Variants in RET observed in about 807,000 individuals in gnomAD.
RET encodes proto-oncogene tyrosine-protein kinase receptor Ret.
A neutral mutation model predicts 118.3 loss-of-function variants in RET; 19 were observed. That is an observed-to-expected ratio of 0.16 (90% CI 0.11 to 0.24). RET has a LOEUF of 0.24. Ranked by LOEUF, RET falls within the 10% of genes least tolerant of loss-of-function variation. The pLI is 1.00. For missense variants in RET, 1,219 were observed against 1,502.1 expected (o/e 0.81, Z 3.12); for synonymous variants, 597 against 644.1 (o/e 0.93, Z 1.11).
Position 43,077,233 on chromosome 10 carries a change from A to G in RET, c.-26A>G, listed in dbSNP as rs1245966499. 4 of 1,490,964 alleles carry G rather than the reference A, an allele frequency of 2.7e-6. No individual in the cohort carries two copies. The highest frequency in any genetic ancestry group is 1.3e-5 in the South Asian group (1 of 79,910). 92.4% of individuals were successfully genotyped at this position (1,490,964 alleles called of 1,614,324 possible). A position where few individuals can be genotyped will look rare whatever the true frequency, so the allele number is the denominator to read the frequency against. On this transcript the variant is annotated 5_prime_UTR_variant, in exon 1 of 20. Coordinates refer to ENST00000355710, the MANE Select transcript of RET (RefSeq NM_020975.6). ...CGCCGGCCCTAGCCGCAGTCCCTCC[A>G]GCCGTGGCCCCAGCGCGCACGGGCG... is the stretch of plus-strand genomic sequence containing the variant.
At chr10:43,087,001 A>G (rs751193778) in intron 1 of RET, among the ~76,000 whole-genome samples, 2 of 152,218 alleles carry the variant, frequency 1.3e-5, no homozygotes, top group Non-Finnish European at 2.9e-5. Context: ...AGAAGGCTGC[A>G]TGGCTTTTAG....
intron 17 of RET, 132 bp downstream of exon 17, chr10:43,123,940 G>A (rs879882656): frequency 3.3e-5 from 45 of 1,367,134 alleles, no homozygotes; most frequent in Non-Finnish European, 4.4e-5. Context: ...CAGGGCAGAG[G>A]TTAGAGAGCC....
chr10:43,123,916 G>T, intron 17 of RET, 108 bp downstream of exon 17: 2 of 1,552,670 alleles, frequency 1.3e-6, no homozygotes, highest in South Asian at 2.3e-5. Context: ...GAGAAGTGGG[G>T]GGTGGGGAGT....
intron 15 of RET, among the ~76,000 whole-genome samples, chr10:43,121,225 T>C (rs1234625405): frequency 6.6e-6 from 1 of 152,238 alleles, no homozygotes; most frequent in African/African-American, 2.4e-5. Context: ...CACACACTGC[T>C]GCCAAGACAG....
chr10:43,127,775 CA>C (rs1564502429), intron 19 of RET, among the ~76,000 whole-genome samples: 1 of 152,124 alleles, frequency 6.6e-6, no homozygotes, highest in East Asian at 1.9e-4. Flanking sequence ...GTTTCCGCTG[CA>C]GTAAGCCATT....
chr10:43,086,864 C>A (rs139268038), intron 1 of RET, among the ~76,000 whole-genome samples: 3 of 152,170 alleles, frequency 2.0e-5, no homozygotes, highest in Non-Finnish European at 4.4e-5. Context: ...GGGCCTGGGC[C>A]CCTCAGAGCA....
rs2132684957 is a variant in RET, at chr10:43,102,636, G to A, written c.625+7G>A. On this transcript the variant is annotated splice_region_variant and intron_variant, in intron 3 of 19. Transcript: ENST00000355710. ...GCCTACAGGCTCCTGGAGGGTGAGT[G>A]CCGACCTTGTGGGGCCGCCCCACAG... is the stretch of plus-strand genomic sequence containing the variant. 6.2e-7 allele frequency: 1 copy of A among 1,613,916 alleles called. No individual in the cohort carries two copies. Among genetic ancestry groups the A allele is most frequent in the Non-Finnish European group, 8.5e-7 (1 of 1,180,044 alleles).
chr10:43,100,433 C>G, intron 1 of RET, 26 bp from the exon 2 acceptor site: 1 of 1,612,786 alleles, frequency 6.2e-7, no homozygotes, highest in South Asian at 1.1e-5. Context: ...CTCACCATCC[C>G]TCACTCACTT....
chr10:43,117,386 G>A (rs190926723), intron 12 of RET, among the ~76,000 whole-genome samples: 198 of 152,332 alleles, frequency 1.3e-3, no homozygotes, highest in African/African-American at 4.4e-3. Context: ...GTAAAACCCC[G>A]GACTCTCCAG....
intron 1 of RET, 30 bp from the exon 2 acceptor site, chr10:43,100,429 A>G (rs868061687): frequency 6.8e-6 from 11 of 1,608,466 alleles, no homozygotes; most frequent in Middle Eastern, 3.3e-4. Context: ...TATTCTCACC[A>G]TCCCTCACTC....
intron 1 of RET, among the ~76,000 whole-genome samples, chr10:43,085,469 A>AC (rs1837269516): frequency 6.6e-6 from 1 of 151,288 alleles, no homozygotes; most frequent in Non-Finnish European, 1.5e-5. Flanking sequence ...CATGTCCCTC[A>AC]CCCCCCAGGG....
rs932776021 is a variant in RET, at chr10:43,114,291, G to C, written c.1880-189G>C. 2.0e-5 allele frequency among the ~76,000 whole-genome samples: 3 copies of C among 152,174 alleles called. No individual in the cohort carries two copies. Among genetic ancestry groups the C allele is most frequent in the African/African-American group, 7.2e-5 (3 of 41,446 alleles). The stretch of plus-strand genomic sequence containing the variant: ...TCTGTAAGAGGGCAATAGTGGTCTA[G>C]GAGGGGGCAGTAAATGGCAGTACCC... On this transcript the variant is annotated intron_variant, in intron 10 of 19. Transcript: ENST00000355710. This position sits in a 1 kb window ranked among gnomAD's most constrained non-coding sequence, Gnocchi z 4.6.
intron 15 of RET, among the ~76,000 whole-genome samples, chr10:43,121,456 T>C (rs955303096): frequency 1.3e-5 from 2 of 152,094 alleles, no homozygotes; most frequent in African/African-American, 4.8e-5. Context: ...TCAGAGATGC[T>C]AAAAGCACCC....
At chr10:43,104,884 C>T (rs1180757498) in intron 3 of RET, 68 bp from the exon 4 acceptor site, 9 of 1,532,502 alleles carry the variant, frequency 5.9e-6, no homozygotes, top group South Asian at 4.8e-5. Flanking sequence ...GAGCCCCCTT[C>T]CCGAGGAAAG....
chr10:43,101,041 G>A (rs1237263273), intron 2 of RET, among the ~76,000 whole-genome samples: 2 of 152,220 alleles, frequency 1.3e-5, no homozygotes, highest in East Asian at 3.9e-4. Context: ...AGTAAGTGGG[G>A]CTGGAAAAAT....
At chr10:43,092,677 A>C (rs1274010601) in intron 1 of RET, among the ~76,000 whole-genome samples, 1 of 152,180 alleles carries the variant, frequency 6.6e-6, no homozygotes, top group Non-Finnish European at 1.5e-5. Context: ...GTCCTACCCG[A>C]GTGAGTCTGG....
In RET at chr10:43,123,701, C is replaced by T. The variant is rs755606269; in HGVS notation, c.2832C>T (p.Ile944=). ...VWSFGVLLWE[I]VTLGGNPYPG... is the part of the protein sequence containing the mutation. Reference sequence around the variant, plus strand: ...CTTTTGGTGTCCTGCTGTGGGAGATCGTGACCCTAGGGGGAAACCCCTATC... The same window carrying T: ...CTTTTGGTGTCCTGCTGTGGGAGATTGTGACCCTAGGGGGAAACCCCTATC... Residue 944 remains isoleucine (I), a synonymous_variant, in exon 17 of 20, where the codon ATC becomes ATT. Transcript: ENST00000355710. 3.7e-6 allele frequency: 6 copies of T among 1,614,154 alleles called. No homozygotes were observed. Among genetic ancestry groups the T allele is most frequent in the Non-Finnish European group, 5.1e-6 (6 of 1,180,036 alleles).
At chr10:43,082,569 C>T (rs1298533357) in intron 1 of RET, among the ~76,000 whole-genome samples, 2 of 151,836 alleles carry the variant, frequency 1.3e-5, no homozygotes, top group African/African-American at 4.8e-5. Flanking sequence ...CTCCCAGATT[C>T]GGGTGCTGCA....
In RET at chr10:43,129,786, G is replaced by A. The variant is rs1004092534; in HGVS notation, c.*1517G>A. The stretch of plus-strand genomic sequence containing the variant: ...TGTAATAGAGCCTTGTGGTGTGTGC[G>A]CACACACCCAGAGGGAGAGTTTGAA... On this transcript the variant is annotated 3_prime_UTR_variant, in exon 20 of 20. Transcript: ENST00000355710. 3.6e-5 allele frequency: 14 copies of A among 392,458 alleles called. No individual in the cohort carries two copies. The highest frequency in any genetic ancestry group is 1.4e-4 in the South Asian group (1 of 6,954). 24.3% of individuals were successfully genotyped at this position (392,458 alleles called of 1,614,324 possible).
Sources: gnomAD v4.1 joint callset for allele counts (sites outside exome capture counted in the v4.1 genomes callset) on GRCh38, gnomAD v4.1.1 for gene constraint, Gnocchi (gnomAD v3.1) non-coding constraint, MANE v1.5 for transcripts, NCBI Gene and HGNC (gene_info 2026-07-23, HGNC 2026-07-21) for gene names.